NPR2: variants seen among roughly 807,000 people sequenced by gnomAD.
The protein encoded by NPR2 is natriuretic peptide receptor 2, also known as atrial natriuretic peptide receptor 2.
Under a neutral mutation model 120.7 loss-of-function variants are expected in NPR2, and 49 were observed. The ratio of observed to expected loss-of-function variants is 0.41; its 90% CI spans 0.32 to 0.52. The LOEUF (loss-of-function observed/expected upper bound fraction) is 0.52. Among genes scored for constraint, NPR2 ranks in the 20% least tolerant of loss-of-function variants. NPR2 has a pLI of 0.36. For synonymous variants in NPR2, 484 were observed against 519.8 expected (o/e 0.93, Z 0.94); for missense variants, 931 against 1,362.9 (o/e 0.68, Z 4.99).
intron 18 of NPR2, among the ~76,000 whole-genome samples, chr9:35,807,889 C>T (rs1828491706): frequency 1.3e-5 from 2 of 152,158 alleles, no homozygotes; most frequent in African/African-American, 4.8e-5. Flanking sequence ...CACAGAATCT[C>T]CCTGAGCCTC....
rs1376765353 is a variant in NPR2 at position 35,795,655 on chromosome 9, A to C, written c.873+1552A>C. ...GTCACACTTGAATATGGGCAGTGGC[A>C]GGGCAGGTTTTGTTTATGCCATAAT... On this transcript the variant is annotated intron_variant, in intron 2 of 21. Transcript: ENST00000342694. 2.6e-5 allele frequency among the ~76,000 whole-genome samples: 4 copies of C among 152,338 alleles called. No individual in the cohort carries two copies. The South Asian group carries it at 6.2e-4, about 24-fold the overall frequency.
chr9:35,805,855 G>A lies in NPR2; in HGVS notation c.2073G>A (p.Leu691=). ...YAKKLWTAPE[L]LSGNPLPTTG... is the part of the protein sequence containing the mutation. ...AGAAGCTGTGGACTGCCCCAGAACTGCTCAGTGGGAACCCCTTGCCAACCA... is the reference window on the plus strand; with the variant it reads ...AGAAGCTGTGGACTGCCCCAGAACTACTCAGTGGGAACCCCTTGCCAACCA... Residue 691 remains leucine, a synonymous_variant, in exon 14 of 22, where the codon CTG becomes CTA. Transcript: ENST00000342694. The surrounding 1 kb of genome is among the most constrained non-coding windows in gnomAD (Gnocchi z 4.9). 1 of 1,614,122 alleles carries A rather than the reference G, an allele frequency of 6.2e-7. No individual in the cohort carries two copies. The highest frequency in any genetic ancestry group is 1.7e-4 in the Middle Eastern group (1 of 6,060).
At position 35,793,083 on chromosome 9, in the gene NPR2, T is replaced by G. The variant is rs1470897609; in HGVS notation, c.667+8T>G. 1.3e-6 allele frequency: 2 copies of G among 1,583,800 alleles called. No individual in the cohort carries two copies. Among genetic ancestry groups the G allele is most frequent in the Non-Finnish European group, 1.7e-6 (2 of 1,168,718 alleles). On this transcript the variant is annotated splice_region_variant and intron_variant, in intron 1 of 21. Coordinates refer to ENST00000342694, the MANE Select transcript of NPR2 (RefSeq NM_003995.4). ...TCCGGGCCAACGGGCGCAGTGAGTGTGGCCTGGGCTATTTTAGGGTCATGG... is the reference window on the plus strand; with the variant it reads ...TCCGGGCCAACGGGCGCAGTGAGTGGGGCCTGGGCTATTTTAGGGTCATGG...
chr9:35,800,835 G>T lies in NPR2; in HGVS notation c.1345G>T (p.Asp449Tyr), dbSNP rs552757821. ...CAFDLDDPSCDKTPLSTLAIV... is the reference protein window; with the variant it reads ...CAFDLDDPSCYKTPLSTLAIV... ...CTTTGACTTGGACGACCCATCCTGTGATAAAAGTGGGTGTGTGCAGGGACT... is the reference window on the plus strand; with the variant it reads ...CTTTGACTTGGACGACCCATCCTGTTATAAAAGTGGGTGTGTGCAGGGACT... Residue 449 changes from aspartate to tyrosine, a missense_variant, in exon 6 of 22, where the codon GAT (aspartate) becomes TAT (tyrosine). Physicochemically the swap from Asp to Tyr is radical, Grantham distance 160 (BLOSUM62 -3). This residue lies in a region of NPR2 where 681 missense variants were observed against 974.3 expected (regional missense o/e 0.70). Transcript: ENST00000342694. This position sits in a 1 kb window ranked among gnomAD's most constrained non-coding sequence, Gnocchi z 4.7. 1.9e-6 allele frequency: 3 copies of T among 1,614,178 alleles called. No homozygotes were observed. Among genetic ancestry groups the T allele is most frequent in the East Asian group, 2.2e-5 (1 of 44,882 alleles).
chr9:35,794,314 G>T (rs534747955), intron 2 of NPR2, among the ~76,000 whole-genome samples: 2 of 152,290 alleles, frequency 1.3e-5, no homozygotes, highest in African/African-American at 4.8e-5. Context: ...ACTGACTTTG[G>T]CTGCCTCCAA....
In NPR2 at chr9:35,806,883, C is replaced by A; in HGVS notation, c.2520-140C>A. The A allele has an allele frequency of 1.0e-6, 1 of 955,256 alleles. No individual in the cohort carries two copies. The highest frequency in any genetic ancestry group is 1.6e-6 in the Non-Finnish European group (1 of 617,926). 59.2% of individuals were successfully genotyped at this position (955,256 alleles called of 1,614,324 possible). On this transcript the variant is annotated intron_variant, in intron 16 of 21. Transcript: ENST00000342694. This position sits in a 1 kb window ranked among gnomAD's most constrained non-coding sequence, Gnocchi z 4.6. ...CCTTGCATTAGACTGTAATGTCTTCCCAGCCACTTTCCTCCCTCCCACCTG... is the reference window on the plus strand; with the variant it reads ...CCTTGCATTAGACTGTAATGTCTTCACAGCCACTTTCCTCCCTCCCACCTG...
rs1563983017 is a variant in NPR2 at position 35,792,420 on chromosome 9, A to G, written c.12A>G (p.Pro4=). Residue 4 remains proline, a synonymous_variant, in exon 1 of 22, where the codon CCA becomes CCG. Transcript: ENST00000342694. MAL[P]SLLLLVAALA... is the part of the protein sequence containing the mutation. ...GCTGCTTTATCCCCATGGCGCTGCC[A>G]TCACTTCTGCTGTTGGTGGCAGCCC... The G allele has an allele frequency of 6.2e-7, 1 of 1,611,376 alleles. No individual in the cohort carries two copies. The highest frequency in any genetic ancestry group is 2.2e-5 in the East Asian group (1 of 44,832).
chr9:35,792,361 C>A lies in NPR2; in HGVS notation c.-48C>A. The A allele has an allele frequency of 6.3e-7, 1 of 1,586,720 alleles. No homozygotes were observed. The highest frequency in any genetic ancestry group is 1.3e-5 in the African/African-American group (1 of 74,516). ...GGGTGCTCGCGTCTCCCCTGTAGGC[C>A]AGAGCAGCCCCAAGTTCTGGGGGCG... is the stretch of plus-strand genomic sequence containing the variant. On this transcript the variant is annotated 5_prime_UTR_variant, in exon 1 of 22. Transcript: ENST00000342694.
In NPR2 at chr9:35,809,545, C is replaced by T; in HGVS notation, c.*100C>T. 6.3e-7 allele frequency: 1 copy of T among 1,592,006 alleles called. No homozygotes were observed. The highest frequency in any genetic ancestry group is 8.6e-7 in the Non-Finnish European group (1 of 1,160,398). On this transcript the variant is annotated 3_prime_UTR_variant, in exon 22 of 22. Transcript: ENST00000342694. The surrounding 1 kb of genome is among the most constrained non-coding windows in gnomAD (Gnocchi z 4.1). ...CACCAGAAATGGACATTTTCATATG[C>T]AATGGAAAACAGCCACAAAAAAACC... is the stretch of plus-strand genomic sequence containing the variant.
chr9:35,805,901 G>C lies in NPR2; in HGVS notation c.2119G>C (p.Val707Leu), dbSNP rs190656775. The C allele has an allele frequency of 6.2e-7, 1 of 1,614,036 alleles. No individual in the cohort carries two copies. Among genetic ancestry groups the C allele is most frequent in the African/African-American group, 1.3e-5 (1 of 74,926 alleles). Reference sequence around the variant, plus strand: ...AACCACAGGCATGCAGAAGGCTGACGTCTATAGCTTTGGGATCATCCTGCA... The same window carrying C: ...AACCACAGGCATGCAGAAGGCTGACCTCTATAGCTTTGGGATCATCCTGCA... ...LPTTGMQKAD[V>L]YSFGIILQEI... Residue 707 changes from valine (V) to leucine (L), a missense_variant, in exon 14 of 22, where the codon GTC becomes CTC. Val to Leu is a conservative substitution (Grantham distance 32). Transcript: ENST00000342694. The surrounding 1 kb of genome is among the most constrained non-coding windows in gnomAD (Gnocchi z 4.9).
rs1423339336 is a variant in NPR2 at position 35,800,691 on chromosome 9, C to T, written c.1219-18C>T. On this transcript the variant is annotated intron_variant, in intron 5 of 21. Transcript: ENST00000342694. This position sits in a 1 kb window ranked among gnomAD's most constrained non-coding sequence, Gnocchi z 4.7. ...GGTGGGAGCAGGCCTGTGGGCCCAGCTTTTTGCTTCCTTACAGCCTGCAGC... is the reference window on the plus strand; with the variant it reads ...GGTGGGAGCAGGCCTGTGGGCCCAGTTTTTTGCTTCCTTACAGCCTGCAGC... 2 of 1,614,066 alleles carry T rather than the reference C, an allele frequency of 1.2e-6. No individual in the cohort carries two copies. Among genetic ancestry groups the T allele is most frequent in the Non-Finnish European group, 1.7e-6 (2 of 1,179,996 alleles).
chr9:35,802,709 G>A lies in NPR2; in HGVS notation c.1816-23G>A, dbSNP rs1485309026. The A allele has an allele frequency of 1.3e-6, 2 of 1,583,940 alleles. No homozygotes were observed. The highest frequency in any genetic ancestry group is 1.7e-6 in the Non-Finnish European group (2 of 1,152,636). ...ATAGCTGGTGGGACCAGGACAGACA[G>A]TCTATTCCATGTCACTTACCAGGAT... On this transcript the variant is annotated intron_variant, in intron 11 of 21. Coordinates refer to ENST00000342694, the MANE Select transcript of NPR2 (RefSeq NM_003995.4). This position sits in a 1 kb window ranked among gnomAD's most constrained non-coding sequence, Gnocchi z 4.2.
Position 35,794,117 on chromosome 9 carries a change from C to G in NPR2, c.873+14C>G, listed in dbSNP as rs368689413. ...GAGGCCTTTCAGGTATCATTTGAGC[C>G]AAATCTGAAGGAGGAGGGGGAAGAG... On this transcript the variant is annotated intron_variant, in intron 2 of 21. Coordinates refer to ENST00000342694, the MANE Select transcript of NPR2 (RefSeq NM_003995.4). 12 of 1,610,036 alleles carry G rather than the reference C, an allele frequency of 7.5e-6. No homozygotes were observed. Among genetic ancestry groups the G allele is most frequent in the Non-Finnish European group, 1.0e-5 (12 of 1,177,104 alleles).
At chr9:35,797,102 A>T (rs576954121) in intron 2 of NPR2, among the ~76,000 whole-genome samples, 2 of 152,332 alleles carry the variant, frequency 1.3e-5, no homozygotes, top group East Asian at 1.9e-4. Flanking sequence ...CAGGGCAGGG[A>T]TCATGCTCAT....
chr9:35,795,867 T>C (rs1449183746), intron 2 of NPR2, among the ~76,000 whole-genome samples: 1 of 152,218 alleles, frequency 6.6e-6, no homozygotes, highest in Non-Finnish European at 1.5e-5. Flanking sequence ...GTTTGATTTA[T>C]TTGAAGGCTG....
In NPR2 at chr9:35,801,859, C is replaced by A. The variant is rs7034957; in HGVS notation, c.1558-67C>A. 0.22 allele frequency: 350,459 copies of A among 1,599,202 alleles called. 41,700 individuals are homozygous for A. The highest frequency in any genetic ancestry group is 0.46 in the African/African-American group (33,994 of 74,596). On this transcript the variant is annotated intron_variant, in intron 8 of 21. Transcript: ENST00000342694. ...CAGCACATTGGCTTGTAATGATAGC[C>A]CCTGCACTACCACCATCATCTAATG...
chr9:35,802,785 C>G lies in NPR2; in HGVS notation c.1869C>G (p.Leu623=). 6.2e-7 allele frequency: 1 copy of G among 1,609,670 alleles called. No homozygotes were observed. Among genetic ancestry groups the G allele is most frequent in the East Asian group, 2.2e-5 (1 of 44,864 alleles). ...TGGACTGGATGTTTCGTTATTCACT[C>G]ATTAATGACCTTGTTAAGGTGAGTC... ...INLDWMFRYS[L]INDLVKGMAF... is the part of the protein sequence containing the mutation. Residue 623 remains leucine (L), a synonymous_variant, in exon 12 of 22, where the codon CTC becomes CTG. Transcript: ENST00000342694. The surrounding 1 kb of genome is among the most constrained non-coding windows in gnomAD (Gnocchi z 4.2).
rs1270653436 is a variant in NPR2 at position 35,807,142 on chromosome 9, T to G, written c.2639T>G (p.Met880Arg). Reference protein sequence around the residue: ...FTALSAESTPMQVVTLLNDLY... With the variant: ...FTALSAESTPRQVVTLLNDLY... ...GCATTGTCAGCAGAGAGCACCCCCA[T>G]GCAGGTGAGAGCCATGGGTGAGAGG... is the stretch of plus-strand genomic sequence containing the variant. Residue 880 changes from methionine to arginine, a missense_variant, in exon 17 of 22, where the codon ATG becomes AGG. Met to Arg is a moderately conservative substitution (Grantham distance 91). Coordinates refer to ENST00000342694, the MANE Select transcript of NPR2 (RefSeq NM_003995.4). 1.5e-6 allele frequency: 2 copies of G among 1,369,368 alleles called. No individual in the cohort carries two copies. Among genetic ancestry groups the G allele is most frequent in the Non-Finnish European group, 1.9e-6 (2 of 1,029,598 alleles). The allele number at this position is 1,369,368 out of a possible 1,614,324, so 84.8% of individuals were successfully genotyped here.
Position 35,800,361 on chromosome 9 carries a change from A to C in NPR2, c.1124-28A>C. ...GGGAGAGGAGCCCAGGGTAGACCTC[A>C]AAGAAAGGACACTCTTTTCTGTCTT... On this transcript the variant is annotated intron_variant, in intron 4 of 21. Transcript: ENST00000342694. This position sits in a 1 kb window ranked among gnomAD's most constrained non-coding sequence, Gnocchi z 4.7. The C allele has an allele frequency of 6.2e-7, 1 of 1,601,524 alleles. No homozygotes were observed.
Sources: allele counts gnomAD v4.1 joint callset (sites outside exome capture counted in the v4.1 genomes callset), GRCh38; gene constraint gnomAD v4.1.1; regional missense constraint gnomAD v4.1.1; non-coding constraint Gnocchi (gnomAD v3.1); transcripts MANE v1.5; gene names NCBI Gene and HGNC (gene_info 2026-07-23, HGNC 2026-07-21).